The following PLOD1 variants were observed in gnomAD, a reference collection of about 807,000 sequenced individuals.
PLOD1 encodes procollagen-lysine,2-oxoglutarate 5-dioxygenase 1, also known as lysine hydroxylase.
Under a neutral mutation model 94.7 loss-of-function variants are expected in PLOD1, and 70 were observed. That is an observed-to-expected ratio of 0.74 (90% CI 0.61 to 0.90). PLOD1 has a LOEUF of 0.90. PLOD1 is among the 40% of genes least tolerant of loss of function. PLOD1 has a pLI of 0.00. For synonymous variants in PLOD1, 417 were observed against 400.2 expected, an observed-to-expected ratio of 1.04 and a Z score of -0.50; for missense variants, 905 against 972.7, an observed-to-expected ratio of 0.93 and a Z score of 0.93.
intron 1 of PLOD1, among the ~76,000 whole-genome samples, chr1:11,940,897 G>T (rs1344874568): frequency 1.3e-5 from 2 of 152,234 alleles, no homozygotes; most frequent in Admixed American, 1.3e-4. Context: ...TGCTGCAGAG[G>T]CCAGAGAGAA....
At chr1:11,943,282 C>T (rs1013370954) in intron 1 of PLOD1, among the ~76,000 whole-genome samples, 1 of 145,274 alleles carries the variant, frequency 6.9e-6, no homozygotes, top group Non-Finnish European at 1.5e-5. Flanking sequence ...GCCACCGTGC[C>T]CGGCTTTTTT....
chr1:11,969,115 G>A (rs1001986560), intron 16 of PLOD1, among the ~76,000 whole-genome samples: 1 of 148,954 alleles, frequency 6.7e-6, no homozygotes, highest in Non-Finnish European at 1.5e-5. Flanking sequence ...CTCCGCCTGA[G>A]TAGCTAGGAT....
In PLOD1 at chr1:11,964,776, C is replaced by G; in HGVS notation, c.1461C>G (p.Ile487Met). The change falls in exon 13 of 19, where the codon ATC becomes ATG. Residue 487 changes from isoleucine (I) to methionine (M), a missense_variant. Coordinates refer to ENST00000196061, the MANE Select transcript of PLOD1 (RefSeq NM_000302.4). ...CCGACATGGCCTTCTGTGCCAACATCCGGCAGCAGGTCAGCCAGGAGCGGG... is the reference window on the plus strand; with the variant it reads ...CCGACATGGCCTTCTGTGCCAACATGCGGCAGCAGGTCAGCCAGGAGCGGG... The part of the protein sequence containing the change: ...LDPDMAFCAN[I>M]RQQDVFMFLT... 6.2e-7 allele frequency: 1 copy of G among 1,613,656 alleles called. No homozygotes were observed.
chr1:11,939,752 C>T (rs1645603646), intron 1 of PLOD1, among the ~76,000 whole-genome samples: 1 of 151,858 alleles, frequency 6.6e-6, no homozygotes, highest in Admixed American at 6.6e-5. Flanking sequence ...GGATTACAGG[C>T]GCCCACCATC....
chr1:11,961,989 A>G (rs1002920361), intron 10 of PLOD1, among the ~76,000 whole-genome samples: 1 of 152,080 alleles, frequency 6.6e-6, no homozygotes, highest in Non-Finnish European at 1.5e-5. Context: ...AGGTTTCACC[A>G]TGTTTTCCAG....
rs1000148160 is a variant in PLOD1 at position 11,958,302 on chromosome 1, G to A, written c.844-214G>A. Among the ~76,000 whole-genome samples the A allele has an allele frequency of 3.9e-5, 6 of 152,072 alleles. No homozygotes were observed. Among genetic ancestry groups the A allele is most frequent in the African/African-American group, 9.7e-5 (4 of 41,408 alleles). ...GGCCCTCAACCGAGTCCTTGTTCCA[G>A]GCCTGGGCTCCTGCTGCTCTCTCCC... is the stretch of plus-strand genomic sequence containing the variant. On this transcript the variant is annotated intron_variant, in intron 8 of 18. Transcript: ENST00000196061. This position sits in a 1 kb window ranked among gnomAD's most constrained non-coding sequence, Gnocchi z 4.3.
rs1553135172 is a variant in PLOD1 at position 11,958,637 on chromosome 1, T to A, written c.965T>A (p.Ile322Asn). Residue 322 changes from isoleucine to asparagine, a missense_variant, in exon 9 of 19, where the codon ATC becomes AAC. Coordinates refer to ENST00000196061, the MANE Select transcript of PLOD1 (RefSeq NM_000302.4). This position sits in a 1 kb window ranked among gnomAD's most constrained non-coding sequence, Gnocchi z 4.3. ...HYPQKHMRLF[I>N]HNHEQHHKAQ... ...CCCCAGAAACACATGCGACTTTTCATCCACAACCACGTGAGTAACAGGCGC... is the reference window on the plus strand; with the variant it reads ...CCCCAGAAACACATGCGACTTTTCAACCACAACCACGTGAGTAACAGGCGC... 5.6e-6 allele frequency: 9 copies of A among 1,614,126 alleles called. No homozygotes were observed. The highest frequency in any genetic ancestry group is 7.6e-6 in the Non-Finnish European group (9 of 1,180,028).
chr1:11,964,327 T>TGCCCGGGGGGGGGGGGGGGGGGG, intron 12 of PLOD1, 27 bp downstream of exon 12: 1 of 546,368 alleles, frequency 1.8e-6, no homozygotes, highest in African/African-American at 2.3e-5. Context: ...TGGGGGTGGG[T>TGCCCGGGGGGGGGGGGGGGGGGG]GGGGGACACC....
chr1:11,970,803 G>T lies in PLOD1; in HGVS notation c.1889G>T (p.Gly630Val). ...IAPMTEKLYP[G>V]YYTRAQFDLA... ...CCCATGACGGAGAAGCTCTACCCCG[G>T]CTACTACACCAGGGTGGGCAAGCCT... The change falls in exon 17 of 19, where the codon GGC becomes GTC. Residue 630 changes from glycine (G) to valine (V), a missense_variant. Coordinates refer to ENST00000196061, the MANE Select transcript of PLOD1 (RefSeq NM_000302.4). 1 of 1,607,338 alleles carries T rather than the reference G, an allele frequency of 6.2e-7. No individual in the cohort carries two copies. The highest frequency in any genetic ancestry group is 8.5e-7 in the Non-Finnish European group (1 of 1,178,780).
intron 1 of PLOD1, 107 bp downstream of exon 1, chr1:11,934,962 A>C: frequency 7.4e-7 from 1 of 1,354,298 alleles, no homozygotes; most frequent in Non-Finnish European, 9.8e-7. Context: ...CTGGAGAGGG[A>C]GTCTGGGTTC....
chr1:11,964,337 C>T (rs1474429069), intron 12 of PLOD1, 37 bp downstream of exon 12: 3 of 1,579,004 alleles, frequency 1.9e-6, no homozygotes, highest in Non-Finnish European at 8.7e-7. Flanking sequence ...TGGGGGACAC[C>T]TTCATCTGGC....
intron 17 of PLOD1, among the ~76,000 whole-genome samples, chr1:11,971,313 G>A (rs1019667083): frequency 2.0e-5 from 3 of 150,002 alleles, no homozygotes; most frequent in African/African-American, 7.4e-5. Context: ...GTTGGAGTAC[G>A]GGTGGAGGAA....
intron 4 of PLOD1, among the ~76,000 whole-genome samples, chr1:11,951,656 A>T (rs1025934921): frequency 1.3e-5 from 2 of 148,416 alleles, no homozygotes; most frequent in Non-Finnish European, 3.0e-5. Context: ...TTGGTGGCTC[A>T]TGCCTGTAAT....
chr1:11,960,615 CCCGCATCCCCTT>C lies in PLOD1; in HGVS notation c.976-28_976-17del. On this transcript the variant is annotated intron_variant, in intron 9 of 18. Coordinates refer to ENST00000196061, the MANE Select transcript of PLOD1 (RefSeq NM_000302.4). ...TGGAAGCTGTGTCCTCCTCCTCACC[CCCGCATCCCCTT>C]CCCCATCCCCAACCCCAGGAGCAGC... is the stretch of plus-strand genomic sequence containing the variant. 1.4e-6 allele frequency: 2 copies of C among 1,463,514 alleles called. No individual in the cohort carries two copies. Among genetic ancestry groups the C allele is most frequent in the Non-Finnish European group, 1.9e-6 (2 of 1,045,742 alleles). 90.7% of individuals were successfully genotyped at this position (1,463,514 alleles called of 1,614,324 possible). A position where few individuals can be genotyped will look rare whatever the true frequency, so the allele number is the denominator to read the frequency against.
At position 11,958,033 on chromosome 1, in the gene PLOD1, T is replaced by G; in HGVS notation, c.843+90T>G. 1 of 911,888 alleles carries G rather than the reference T, an allele frequency of 1.1e-6. No individual in the cohort carries two copies. The highest frequency in any genetic ancestry group is 1.8e-6 in the Non-Finnish European group (1 of 546,128). 56.5% of individuals were successfully genotyped at this position (911,888 alleles called of 1,614,324 possible). A position where few individuals can be genotyped will look rare whatever the true frequency, so the allele number is the denominator to read the frequency against. ...TGGGTGATTCTGGAATAGACTCCAT[T>G]GTCTTTGGTGGAAAGTGAAGGGGTC... On this transcript the variant is annotated intron_variant, in intron 8 of 18. Transcript: ENST00000196061. This position sits in a 1 kb window ranked among gnomAD's most constrained non-coding sequence, Gnocchi z 4.3.
rs772861343 is a variant in PLOD1, at chr1:11,952,631, G to A, written c.475G>A (p.Gly159Ser). ...CACCCACCAACCTTCAGGCTTCATCGGTTATGCCCCCAACCTCAGCAAACT... is the reference window on the plus strand; with the variant it reads ...CACCCACCAACCTTCAGGCTTCATCAGTTATGCCCCCAACCTCAGCAAACT... ...KRFLGSGGFIGYAPNLSKLVA... is the reference protein window; with the variant it reads ...KRFLGSGGFISYAPNLSKLVA... Residue 159 changes from glycine to serine, a missense_variant, in exon 5 of 19, where the codon GGT becomes AGT. Gly to Ser is a moderately conservative substitution (Grantham distance 56). Transcript: ENST00000196061. 64 of 1,613,694 alleles carry A rather than the reference G, an allele frequency of 4.0e-5. No individual in the cohort carries two copies. Among genetic ancestry groups the A allele is most frequent in the Middle Eastern group, 1.6e-4 (1 of 6,080 alleles).
intron 10 of PLOD1, among the ~76,000 whole-genome samples, chr1:11,961,859 G>T (rs1343926981): frequency 6.6e-6 from 1 of 152,190 alleles, no homozygotes; most frequent in Non-Finnish European, 1.5e-5. Flanking sequence ...CGCGATCTCG[G>T]CTCACTGCAA....
Position 11,957,812 on chromosome 1 carries a change from C to T in PLOD1, c.742-30C>T. ...GGCTATGGCAGGTGGGGCTGGCTGG[C>T]TTCTCTGTGACCCCACGTCTCCCCG... is the stretch of plus-strand genomic sequence containing the variant. On this transcript the variant is annotated intron_variant, in intron 7 of 18. Coordinates refer to ENST00000196061, the MANE Select transcript of PLOD1 (RefSeq NM_000302.4). This position sits in a 1 kb window ranked among gnomAD's most constrained non-coding sequence, Gnocchi z 4.1. The T allele has an allele frequency of 6.5e-7, 1 of 1,534,682 alleles. No homozygotes were observed. The highest frequency in any genetic ancestry group is 9.0e-7 in the Non-Finnish European group (1 of 1,107,582).
rs951033725 is a variant in PLOD1, at chr1:11,975,215, G to A, written c.*407G>A. 6 of 308,390 alleles carry A rather than the reference G, an allele frequency of 1.9e-5. No homozygotes were observed. The highest frequency in any genetic ancestry group is 8.5e-5 in the Admixed American group (2 of 23,474). 19.1% of individuals were successfully genotyped at this position (308,390 alleles called of 1,614,324 possible). On this transcript the variant is annotated 3_prime_UTR_variant, in exon 19 of 19. Coordinates refer to ENST00000196061, the MANE Select transcript of PLOD1 (RefSeq NM_000302.4). ...AAGCCATGGCCAGAGCTTCTCCCAG[G>A]CACAGGTGTTGCACCAGGGACTTCT...
Sources: gnomAD v4.1 joint callset for allele counts (sites outside exome capture counted in the v4.1 genomes callset) on GRCh38, gnomAD v4.1.1 for gene constraint, Gnocchi (gnomAD v3.1) non-coding constraint, MANE v1.5 for transcripts, NCBI Gene and HGNC (gene_info 2026-07-23, HGNC 2026-07-21) for gene names.